Variants in CDCA2 observed in about 807,000 individuals in gnomAD.
CDCA2 encodes the protein cell division cycle associated 2, also known as cell division cycle-associated protein 2.
A neutral mutation model predicts 67.0 loss-of-function variants in CDCA2; 44 were observed. That is an observed-to-expected ratio of 0.66 (90% CI 0.52 to 0.84). The LOEUF (loss-of-function observed/expected upper bound fraction) is 0.84. Among genes scored for constraint, CDCA2 ranks in the 40% least tolerant of loss-of-function variants. CDCA2 has a pLI of 0.00. For synonymous variants in CDCA2, 447 were observed against 418.7 expected (o/e 1.07, Z -0.82); for missense variants, 1,253 against 1,203.2 (o/e 1.04, Z -0.61).
intron 3 of CDCA2, 74 bp from the exon 4 acceptor site, chr8:25,461,980 A>G (rs1802709523): frequency 1.4e-6 from 2 of 1,400,910 alleles, no homozygotes; most frequent in African/African-American, 1.4e-5. Context: ...TCAGGCTGGT[A>G]CATCACGAGT....
At chr8:25,491,746 A>G (rs1490244481) in intron 13 of CDCA2, among the ~76,000 whole-genome samples, 1 of 151,970 alleles carries the variant, frequency 6.6e-6, no homozygotes, top group African/African-American at 2.4e-5. Context: ...CCTCTTGAGT[A>G]GCTGGGACTA....
At chr8:25,464,484 G>A (rs1802822166) in intron 4 of CDCA2, among the ~76,000 whole-genome samples, 1 of 152,186 alleles carries the variant, frequency 6.6e-6, no homozygotes, top group Non-Finnish European at 1.5e-5. Flanking sequence ...TGGAAGGAAG[G>A]TTGTTGACTG....
At position 25,506,743 on chromosome 8, in the gene CDCA2, A is replaced by G; in HGVS notation, c.2077A>G (p.Lys693Glu). ...CATTAATGAAAATAAAAATATTCCA[A>G]AAGCAAAAAATAAGTCAGAAAGTGA... ...MNINENKNIPKAKNKSESENE... is the reference protein window; with the variant it reads ...MNINENKNIPEAKNKSESENE... The change falls in exon 15 of 15, where the codon AAA becomes GAA. Residue 693 changes from lysine to glutamate, a missense_variant. Lys to Glu is a moderately conservative substitution (Grantham distance 56). Transcript: ENST00000330560. The G allele has an allele frequency of 6.2e-6, 10 of 1,612,814 alleles. No homozygotes were observed. The highest frequency in any genetic ancestry group is 8.5e-6 in the Non-Finnish European group (10 of 1,179,728).
In CDCA2 at chr8:25,483,951, A is replaced by G. The variant is rs989050864; in HGVS notation, c.1121-15A>G. On this transcript the variant is annotated splice_polypyrimidine_tract_variant and intron_variant, in intron 9 of 14. Transcript: ENST00000330560. ...CTTAATTTTTAAGTTACTCTCATTTATTGTCTAATTATAGAAGATGAAGAA... is the reference window on the plus strand; with the variant it reads ...CTTAATTTTTAAGTTACTCTCATTTGTTGTCTAATTATAGAAGATGAAGAA... 1.9e-6 allele frequency: 3 copies of G among 1,602,028 alleles called. No individual in the cohort carries two copies. The highest frequency in any genetic ancestry group is 2.6e-6 in the Non-Finnish European group (3 of 1,170,890).
At chr8:25,497,576 G>A (rs1424754588) in intron 13 of CDCA2, among the ~76,000 whole-genome samples, 2 of 151,070 alleles carry the variant, frequency 1.3e-5, no homozygotes, top group Admixed American at 6.6e-5. Context: ...GGCTTGAGTG[G>A]TGGGGGATGA....
At chr8:25,504,037 CA>C in intron 14 of CDCA2, among the ~76,000 whole-genome samples, 1 of 151,368 alleles carries the variant, frequency 6.6e-6, no homozygotes, top group African/African-American at 2.4e-5. Context: ...AAAAAAGGAA[CA>C]AAAAAAGTCA....
chr8:25,476,713 C>G (rs1480261908), intron 7 of CDCA2, among the ~76,000 whole-genome samples: 1 of 151,980 alleles, frequency 6.6e-6, no homozygotes, highest in Non-Finnish European at 1.5e-5. Context: ...GCCACCACAC[C>G]CAGCTAATTT....
At chr8:25,506,296 T>C (rs1199807973) in intron 14 of CDCA2, among the ~76,000 whole-genome samples, 2 of 152,210 alleles carry the variant, frequency 1.3e-5, no homozygotes, top group Non-Finnish European at 1.5e-5. Flanking sequence ...TATTAATTCA[T>C]GCGTTGAATA....
chr8:25,495,477 T>A (rs1469595410), intron 13 of CDCA2, among the ~76,000 whole-genome samples: 1 of 152,016 alleles, frequency 6.6e-6, no homozygotes, highest in East Asian at 1.9e-4. Context: ...TGCAGTGGCG[T>A]GAGCTCGGCT....
intron 13 of CDCA2, 24 bp from the exon 14 acceptor site, chr8:25,503,349 C>T (rs1804547720): frequency 2.6e-6 from 4 of 1,566,670 alleles, no homozygotes; most frequent in Non-Finnish European, 3.5e-6. Context: ...TTCTCAATTG[C>T]AATGTTTTAA....
At chr8:25,479,632 A>T (rs1803487563) in intron 7 of CDCA2, 1 of 445,712 alleles carries the variant, frequency 2.2e-6, no homozygotes, top group South Asian at 2.2e-5. Flanking sequence ...GATTCATGAT[A>T]CCTTCTTTCA....
chr8:25,488,770 A>T (rs769690170), intron 13 of CDCA2, 81 bp downstream of exon 13: 344 of 1,337,630 alleles, frequency 2.6e-4, no homozygotes, highest in Non-Finnish European at 3.2e-4. Flanking sequence ...ATAGAAACAC[A>T]TTTTTTTCCA....
At chr8:25,462,282 C>T in intron 4 of CDCA2, 74 bp downstream of exon 4, 2 of 1,447,428 alleles carry the variant, frequency 1.4e-6, no homozygotes, top group South Asian at 1.2e-5. Flanking sequence ...CCTTCTAGTG[C>T]ATCTGCTCTG....
chr8:25,476,558 CTT>C (rs555991670), intron 7 of CDCA2, among the ~76,000 whole-genome samples: 1 of 145,138 alleles, frequency 6.9e-6, no homozygotes. Flanking sequence ...TCTTTTTTTT[CTT>C]TTTTTTTTTT....
intron 4 of CDCA2, among the ~76,000 whole-genome samples, chr8:25,464,615 C>T (rs902340279): frequency 6.6e-6 from 1 of 152,130 alleles, no homozygotes; most frequent in African/African-American, 2.4e-5. Flanking sequence ...ACAATTTTGA[C>T]TAGAGAAACT....
intron 13 of CDCA2, among the ~76,000 whole-genome samples, chr8:25,500,372 A>G (rs371546185): frequency 8.5e-5 from 13 of 152,190 alleles, no homozygotes; most frequent in African/African-American, 3.1e-4. Context: ...TACTAATAAC[A>G]TAATTTAATA....
intron 13 of CDCA2, among the ~76,000 whole-genome samples, chr8:25,498,691 T>C (rs1476256182): frequency 6.6e-6 from 1 of 152,056 alleles, no homozygotes; most frequent in East Asian, 1.9e-4. Flanking sequence ...AGCTTTCCCA[T>C]GGCCCTTTGT....
chr8:25,477,090 C>T (rs1438017576), intron 7 of CDCA2, among the ~76,000 whole-genome samples: 1 of 152,164 alleles, frequency 6.6e-6, no homozygotes, highest in African/African-American at 2.4e-5. Context: ...TGTCTCCTTG[C>T]CTCCCATTCT....
chr8:25,495,879 T>A (rs1185153565), intron 13 of CDCA2, among the ~76,000 whole-genome samples: 1 of 152,238 alleles, frequency 6.6e-6, no homozygotes, highest in Non-Finnish European at 1.5e-5. Context: ...GATATATTTT[T>A]AAATCCAACA....
Sources: allele counts gnomAD v4.1 joint callset (sites outside exome capture counted in the v4.1 genomes callset), GRCh38; gene constraint gnomAD v4.1.1; transcripts MANE v1.5; gene names NCBI Gene and HGNC (gene_info 2026-07-23, HGNC 2026-07-21).